Variants in ATXN1 observed in about 807,000 individuals in gnomAD.
ATXN1 encodes the protein ataxin-1.
A neutral mutation model predicts 56.4 loss-of-function variants in ATXN1; 8 were observed. That is an observed-to-expected ratio of 0.14 (90% CI 0.08 to 0.26). The LOEUF (loss-of-function observed/expected upper bound fraction) is 0.26, where lower values mean the gene tolerates loss of function less well. Ranked by LOEUF, ATXN1 falls within the 10% of genes least tolerant of loss-of-function variation. ATXN1 has a pLI of 1.00. For synonymous variants in ATXN1, 514 were observed against 494.6 expected, an observed-to-expected ratio of 1.04 and a Z score of -0.52; for missense variants, 987 against 1,106.5, an observed-to-expected ratio of 0.89 and a Z score of 1.53.
intron 7 of ATXN1, among the ~76,000 whole-genome samples, chr6:16,321,645 G>A (rs569008981): frequency 6.6e-6 from 1 of 152,364 alleles, no homozygotes; most frequent in South Asian, 2.1e-4. Flanking sequence ...TGGAGCGTCA[G>A]CTGGGACAAT....
chr6:16,697,217 T>TCAGCA (rs1759183116), intron 2 of ATXN1, among the ~76,000 whole-genome samples: 2 of 152,220 alleles, frequency 1.3e-5, no homozygotes, highest in African/African-American at 4.8e-5. Flanking sequence ...TAGCATATTA[T>TCAGCA]TAGCATATTA....
intron 6 of ATXN1, among the ~76,000 whole-genome samples, chr6:16,454,499 T>G (rs1759827228): frequency 6.6e-6 from 1 of 152,236 alleles, no homozygotes; most frequent in South Asian, 2.1e-4. Context: ...GATATACCTG[T>G]AGCCCATTTG....
At chr6:16,558,443 T>C (rs559354130) in intron 4 of ATXN1, among the ~76,000 whole-genome samples, 1 of 152,204 alleles carries the variant, frequency 6.6e-6, no homozygotes, top group East Asian at 1.9e-4. Flanking sequence ...AGCACGACCA[T>C]AACTCACTGC....
rs771182666 is a variant in ATXN1, at chr6:16,327,147, G to A, written c.1164C>T (p.Ser388=). ...VRASVMVLPN[S]NTPAADLEVQ... ...CCTCCAGGTCAGCTGCGGGCGTGTT[G>A]CTGTTGGGCAGGACCATCACAGAGG... Residue 388 remains serine, a synonymous_variant, in exon 7 of 8, where the codon AGC becomes AGT. Transcript: ENST00000436367. 3 of 1,613,682 alleles carry A rather than the reference G, an allele frequency of 1.9e-6. No homozygotes were observed. The highest frequency in any genetic ancestry group is 2.5e-6 in the Non-Finnish European group (3 of 1,180,028).
chr6:16,505,416 GGTC>G (rs1167606755), intron 5 of ATXN1, among the ~76,000 whole-genome samples: 1 of 152,114 alleles, frequency 6.6e-6, no homozygotes, highest in African/African-American at 2.4e-5. Flanking sequence ...TCTATCATTA[GGTC>G]AGGCTGACAT....
At chr6:16,448,407 G>A (rs1378544467) in intron 6 of ATXN1, among the ~76,000 whole-genome samples, 1 of 152,120 alleles carries the variant, frequency 6.6e-6, no homozygotes, top group East Asian at 1.9e-4. Flanking sequence ...CAAAGTCCTT[G>A]TTGGTTTGTT....
chr6:16,381,160 G>A (rs367658606), intron 6 of ATXN1, among the ~76,000 whole-genome samples: 10 of 152,228 alleles, frequency 6.6e-5, no homozygotes, highest in African/African-American at 2.2e-4. Context: ...GGTGGCGGGC[G>A]CCTATAATTC....
chr6:16,412,043 T>A (rs1297278096), intron 6 of ATXN1, among the ~76,000 whole-genome samples: 1 of 152,186 alleles, frequency 6.6e-6, no homozygotes, highest in African/African-American at 2.4e-5. Context: ...AAGTACTGTA[T>A]AGGCTTGCTA....
At chr6:16,381,320 C>T (rs781418996) in intron 6 of ATXN1, among the ~76,000 whole-genome samples, 4 of 152,136 alleles carry the variant, frequency 2.6e-5, no homozygotes, top group Non-Finnish European at 4.4e-5. Flanking sequence ...CTCAGGCACA[C>T]AGGCAGAGTG....
chr6:16,577,523 C>CAAAAAAAAAAAAAAAAAA (rs61193572), intron 4 of ATXN1, among the ~76,000 whole-genome samples: 1 of 77,018 alleles, frequency 1.3e-5, no homozygotes, highest in Non-Finnish European at 3.1e-5. Context: ...GACTCTGTCT[C>CAAAAAAAAAAAAAAAAAA]AAAAAAAAAA....
Position 16,327,239 on chromosome 6 carries a change from A to T in ATXN1, c.1072T>A (p.Ser358Thr), listed in dbSNP as rs1299294428. The T allele has an allele frequency of 3.7e-6, 6 of 1,613,276 alleles. No homozygotes were observed. The highest frequency in any genetic ancestry group is 5.1e-6 in the Non-Finnish European group (6 of 1,179,678). The change falls in exon 7 of 8, where the codon TCC becomes ACC. Residue 358 changes from serine to threonine, a missense_variant. Transcript: ENST00000436367. Reference sequence around the variant, plus strand: ...CTCGGGTGGACCACCACGTGCCTGGACTCGTACGGGTGAGGAACCGACTTG... The same window carrying T: ...CTCGGGTGGACCACCACGTGCCTGGTCTCGTACGGGTGAGGAACCGACTTG... ...GGKSVPHPYE[S>T]RHVVVHPSPS...
intron 6 of ATXN1, among the ~76,000 whole-genome samples, chr6:16,431,129 G>C (rs1759275292): frequency 6.6e-6 from 1 of 152,010 alleles, no homozygotes; most frequent in African/African-American, 2.4e-5. Context: ...GTTTTTTTGG[G>C]GGAAATGGGT....
chr6:16,642,277 C>T (rs138859218), intron 3 of ATXN1, among the ~76,000 whole-genome samples: 1,742 of 152,274 alleles, frequency 0.011, 19 homozygotes, highest in Middle Eastern at 0.065. Context: ...CACCTGTAGT[C>T]CCAGCTACTC....
chr6:16,401,462 C>T (rs754402291), intron 6 of ATXN1, among the ~76,000 whole-genome samples: 28 of 152,096 alleles, frequency 1.8e-4, no homozygotes, highest in Non-Finnish European at 3.5e-4. Context: ...AAAAAAATAG[C>T]TGGGTGTGGT....
At chr6:16,637,125 A>G (rs1041112545) in intron 3 of ATXN1, among the ~76,000 whole-genome samples, 1 of 152,244 alleles carries the variant, frequency 6.6e-6, no homozygotes, top group Non-Finnish European at 1.5e-5. Flanking sequence ...GACTGGATTA[A>G]GAAAATGTGG....
intron 3 of ATXN1, among the ~76,000 whole-genome samples, chr6:16,598,720 G>T (rs12192838): frequency 6.6e-6 from 1 of 151,930 alleles, no homozygotes; most frequent in African/African-American, 2.4e-5. Context: ...GCTGGAGTGG[G>T]GGTGGCAGGA....
chr6:16,427,421 TAGAG>T (rs1261723358), intron 6 of ATXN1, among the ~76,000 whole-genome samples: 2 of 152,226 alleles, frequency 1.3e-5, no homozygotes, highest in African/African-American at 4.8e-5. Flanking sequence ...GTAAATTTTA[TAGAG>T]AGTTGGCTGG....
At chr6:16,508,309 A>T (rs888132676) in intron 5 of ATXN1, among the ~76,000 whole-genome samples, 1 of 152,198 alleles carries the variant, frequency 6.6e-6, no homozygotes, top group African/African-American at 2.4e-5. Context: ...AAGTGGAAGA[A>T]AGCAGTATGT....
chr6:16,688,472 C>A (rs1453147831), intron 2 of ATXN1, among the ~76,000 whole-genome samples: 1 of 152,196 alleles, frequency 6.6e-6, no homozygotes, highest in African/African-American at 2.4e-5. Flanking sequence ...AGGGTCTCTA[C>A]CTCAATGACA....
Sources: allele counts gnomAD v4.1 joint callset (sites outside exome capture counted in the v4.1 genomes callset), GRCh38; gene constraint gnomAD v4.1.1; transcripts MANE v1.5; gene names NCBI Gene and HGNC (gene_info 2026-07-23, HGNC 2026-07-21).